Variants in ARID1B observed in about 807,000 individuals in gnomAD.
ARID1B encodes AT-rich interactive domain-containing protein 1B.
A neutral mutation model predicts 212.3 loss-of-function variants in ARID1B; 30 were observed. The observed-to-expected ratio is 0.14, with a 90% confidence interval of 0.11 to 0.19. The LOEUF is 0.19. Ranked by LOEUF, ARID1B falls within the 10% of genes least tolerant of loss-of-function variation. The pLI, the probability that ARID1B is intolerant of heterozygous loss-of-function variation, is 1.00. For missense variants in ARID1B, 2,891 were observed against 3,204.0 expected, an observed-to-expected ratio of 0.90 and a Z score of 2.36; for synonymous variants, 1,402 against 1,301.7, an observed-to-expected ratio of 1.08 and a Z score of -1.66.
rs911395290 is a variant in ARID1B at position 157,190,318 on chromosome 6, A to G, written c.4231+108A>G. On this transcript the variant is annotated intron_variant, in intron 15 of 19. Coordinates refer to ENST00000636930, the MANE Select transcript of ARID1B (RefSeq NM_001374828.1). This position sits in a 1 kb window ranked among gnomAD's most constrained non-coding sequence, Gnocchi z 4.6. ...CAGAACACCTCTGAGCCCATGCTGC[A>G]TCGGTGTGGGTCCCAGGTCCCCATC... 28 of 1,326,418 alleles carry G rather than the reference A, an allele frequency of 2.1e-5. No individual in the cohort carries two copies. The African/African-American group carries it at 3.8e-4, about 18-fold the overall frequency. The allele number at this position is 1,326,418 out of a possible 1,614,324, so 82.2% of individuals were successfully genotyped here.
Position 157,096,588 on chromosome 6 carries a change from A to G in ARID1B, c.2491+11683A>G, listed in dbSNP as rs111936351. On this transcript the variant is annotated intron_variant, in intron 5 of 19. Coordinates refer to ENST00000636930, the MANE Select transcript of ARID1B (RefSeq NM_001374828.1). ...CCTTCCTCTCCACATTGCCACAGTCAGAGGCTCTGTGGCCTGCACAGCCCT... is the reference window on the plus strand; with the variant it reads ...CCTTCCTCTCCACATTGCCACAGTCGGAGGCTCTGTGGCCTGCACAGCCCT... 7.3e-4 allele frequency among the ~76,000 whole-genome samples: 111 copies of G among 152,370 alleles called. 1 individual carries two copies. The highest frequency in any genetic ancestry group is 2.5e-3 in the African/African-American group (106 of 41,590).
chr6:156,987,744 A>T (rs756372249), intron 4 of ARID1B, among the ~76,000 whole-genome samples: 1 of 152,166 alleles, frequency 6.6e-6, no homozygotes, highest in South Asian at 2.1e-4. Context: ...CTCATACTTG[A>T]TAGTTATAGT....
In ARID1B at chr6:157,020,614, T is replaced by C. The variant is rs143314869; in HGVS notation, c.2248-64048T>C. Among the ~76,000 whole-genome samples the C allele has an allele frequency of 4.9e-3, 740 of 152,320 alleles. 4 individuals carry two copies. Among genetic ancestry groups the C allele is most frequent in the African/African-American group, 0.017 (704 of 41,552 alleles). On this transcript the variant is annotated intron_variant, in intron 4 of 19. Coordinates refer to ENST00000636930, the MANE Select transcript of ARID1B (RefSeq NM_001374828.1). ...AGATGGCATCACATAAACAACAGCCTAGCTTGGTCATTTCTCCTACTCAGA... is the reference window on the plus strand; with the variant it reads ...AGATGGCATCACATAAACAACAGCCCAGCTTGGTCATTTCTCCTACTCAGA...
chr6:157,076,319 T>TTG (rs1481972243), intron 4 of ARID1B, among the ~76,000 whole-genome samples: 4 of 149,340 alleles, frequency 2.7e-5, no homozygotes, highest in Admixed American at 1.3e-4. Context: ...TTGTTTTGTT[T>TTG]TTTTTTCCTC....
At chr6:156,791,986 T>C (rs1193248488) in intron 1 of ARID1B, among the ~76,000 whole-genome samples, 4 of 152,172 alleles carry the variant, frequency 2.6e-5, no homozygotes, top group Admixed American at 6.5e-5. Flanking sequence ...TAGTGGACAA[T>C]TTAGATGAGT....
intron 4 of ARID1B, among the ~76,000 whole-genome samples, chr6:157,015,570 A>G (rs893821034): frequency 6.6e-6 from 1 of 152,216 alleles, no homozygotes; most frequent in Non-Finnish European, 1.5e-5. Flanking sequence ...TGATAGATCC[A>G]TGAGGAAGAT....
At chr6:156,883,577 C>T (rs780488479) in intron 2 of ARID1B, among the ~76,000 whole-genome samples, 35 of 152,140 alleles carry the variant, frequency 2.3e-4, no homozygotes, top group Non-Finnish European at 3.8e-4. Context: ...TCCTCTCCAG[C>T]GTGAGCCTGA....
intron 2 of ARID1B, among the ~76,000 whole-genome samples, chr6:156,876,444 C>G (rs1562452687): frequency 6.6e-6 from 1 of 152,154 alleles, no homozygotes; most frequent in Non-Finnish European, 1.5e-5. Flanking sequence ...CCCACTCAGC[C>G]CGAGACTCAC....
intron 7 of ARID1B, among the ~76,000 whole-genome samples, chr6:157,142,395 G>C (rs112592428): frequency 6.6e-6 from 1 of 152,114 alleles, no homozygotes; most frequent in Admixed American, 6.6e-5. Context: ...GGAGGCCCGC[G>C]CGGGTATATT....
intron 2 of ARID1B, among the ~76,000 whole-genome samples, chr6:156,840,595 T>C (rs1167767882): frequency 6.6e-6 from 1 of 152,224 alleles, no homozygotes; most frequent in African/African-American, 2.4e-5. Context: ...CATGGTTCGC[T>C]CCGAGATTAG....
chr6:156,989,819 A>C (rs1778160607), intron 4 of ARID1B, among the ~76,000 whole-genome samples: 1 of 152,094 alleles, frequency 6.6e-6, no homozygotes, highest in Non-Finnish European at 1.5e-5. Flanking sequence ...TGGCAGTAGC[A>C]GTGGTAGATG....
intron 9 of ARID1B, among the ~76,000 whole-genome samples, chr6:157,171,053 A>C (rs1791686624): frequency 1.3e-5 from 2 of 152,236 alleles, no homozygotes; most frequent in Admixed American, 6.5e-5. Context: ...GCAGACTTGT[A>C]AGGAGACTGA....
At chr6:156,841,072 T>G (rs1783865833) in intron 2 of ARID1B, among the ~76,000 whole-genome samples, 1 of 152,156 alleles carries the variant, frequency 6.6e-6, no homozygotes. Flanking sequence ...GATTTGCTGC[T>G]GGAGGGAAGA....
intron 1 of ARID1B, among the ~76,000 whole-genome samples, chr6:156,786,594 A>G (rs1400609577): frequency 2.6e-5 from 4 of 152,222 alleles, no homozygotes; most frequent in African/African-American, 9.6e-5. Flanking sequence ...CAGAGAGGAA[A>G]TGAACTGTTA....
At chr6:157,154,329 A>G (rs1310857171) in intron 8 of ARID1B, among the ~76,000 whole-genome samples, 1 of 152,280 alleles carries the variant, frequency 6.6e-6, no homozygotes, top group East Asian at 1.9e-4. Context: ...GATTGTGTCA[A>G]AATTCTGGCA....
chr6:156,988,925 C>A (rs1030475278), intron 4 of ARID1B, among the ~76,000 whole-genome samples: 1 of 152,156 alleles, frequency 6.6e-6, no homozygotes, highest in African/African-American at 2.4e-5. Context: ...GAGAAATGTG[C>A]CATAAAAATA....
intron 4 of ARID1B, among the ~76,000 whole-genome samples, chr6:156,975,613 CTTTTT>C (rs367797338): frequency 9.0e-6 from 1 of 110,854 alleles, no homozygotes; most frequent in African/African-American, 3.5e-5. Context: ...TTTTTTTTTT[CTTTTT>C]TTTTTTTTTT....
intron 4 of ARID1B, chr6:157,072,578 T>C (rs1010525942): frequency 9.2e-5 from 14 of 152,252 alleles, no homozygotes; most frequent in Non-Finnish European, 2.1e-4. Context: ...TAATATGACA[T>C]ACATTTTTAA....
intron 6 of ARID1B, among the ~76,000 whole-genome samples, chr6:157,130,074 C>A (rs1788437332): frequency 1.3e-5 from 2 of 151,826 alleles, no homozygotes; most frequent in Non-Finnish European, 2.9e-5. Flanking sequence ...GAGGCTGAGG[C>A]AGGAGAATCA....
Sources: gnomAD v4.1 joint callset for allele counts (sites outside exome capture counted in the v4.1 genomes callset) on GRCh38, gnomAD v4.1.1 for gene constraint, Gnocchi (gnomAD v3.1) non-coding constraint, MANE v1.5 for transcripts, NCBI Gene and HGNC (gene_info 2026-07-23, HGNC 2026-07-21) for gene names.